The following ADAMTS18 variants were observed in gnomAD, a reference collection of about 807,000 sequenced individuals.
ADAMTS18 encodes the protein A disintegrin and metalloproteinase with thrombospondin motifs 18.
ADAMTS18 carries 157 observed loss-of-function variants against 165.9 expected under a neutral mutation model. The observed-to-expected ratio is 0.95, with a 90% CI of 0.83 to 1.08. ADAMTS18 has a LOEUF of 1.08. Ranked by LOEUF, ADAMTS18 falls within the 50% of genes least tolerant of loss-of-function variation. The probability of loss-of-function intolerance (pLI) is 0.00; values close to 1 mark genes in which losing one functional copy is unlikely to be tolerated. For missense variants in ADAMTS18, 2,040 were observed against 1,534.0 expected (o/e 1.33, Z -5.51); for synonymous variants, 782 against 578.2 (o/e 1.35, Z -5.06).
At chr16:77,372,870 T>A (rs915940527) in intron 3 of ADAMTS18, among the ~76,000 whole-genome samples, 3 of 151,982 alleles carry the variant, frequency 2.0e-5, no homozygotes, top group African/African-American at 7.3e-5. Context: ...ACAGCCAGAG[T>A]CCTTGTCCAG....
chr16:77,348,289 G>A (rs2056506690), intron 10 of ADAMTS18, among the ~76,000 whole-genome samples: 2 of 152,104 alleles, frequency 1.3e-5, no homozygotes, highest in African/African-American at 2.4e-5. Flanking sequence ...CCTTATTACT[G>A]ATAATCATGA....
chr16:77,292,882 C>T, intron 20 of ADAMTS18, 194 bp downstream of exon 20: 1 of 564,968 alleles, frequency 1.8e-6, no homozygotes, highest in African/African-American at 1.9e-5. Flanking sequence ...TGCAGTGGCG[C>T]AATCTCAGCT....
At chr16:77,350,231 C>T (rs2056536164) in intron 10 of ADAMTS18, among the ~76,000 whole-genome samples, 1 of 152,094 alleles carries the variant, frequency 6.6e-6, no homozygotes, top group South Asian at 2.1e-4. Context: ...TTTTCTTCAA[C>T]ACTTTGGATG....
At chr16:77,330,312 G>C (rs1365895988) in intron 12 of ADAMTS18, among the ~76,000 whole-genome samples, 17 of 152,120 alleles carry the variant, frequency 1.1e-4, no homozygotes, top group Non-Finnish European at 2.4e-4. Context: ...AATTTTCTTG[G>C]AGAGTTTATA....
intron 3 of ADAMTS18, among the ~76,000 whole-genome samples, chr16:77,393,362 G>T (rs148490159): frequency 0.016 from 2,496 of 152,236 alleles, 44 homozygotes; most frequent in Non-Finnish European, 0.021. Context: ...AGCCAGCAGG[G>T]GCTAGGCTGC....
In ADAMTS18 at chr16:77,295,093, C is replaced by T. The variant is rs12935394; in HGVS notation, c.2836G>A (p.Ala946Thr). The change falls in exon 19 of 23, where the codon GCC becomes ACC. Residue 946 changes from alanine to threonine, a missense_variant. Coordinates refer to ENST00000282849, the MANE Select transcript of ADAMTS18 (RefSeq NM_199355.4). ...MPGEWSTCSK[A>T]CAGGQQSRKI... is the part of the protein sequence containing the mutation. ...CGGCTCTGCTGGCCTCCAGCACAGG[C>T]CTTGCTGCATGTACTCCATTCACCT... is the stretch of plus-strand genomic sequence containing the variant. 6.2e-7 allele frequency: 1 copy of T among 1,614,092 alleles called. No homozygotes were observed. The highest frequency in any genetic ancestry group is 1.3e-5 in the African/African-American group (1 of 75,034).
chr16:77,427,107 T>C lies in ADAMTS18; in HGVS notation c.495+4188A>G, dbSNP rs2057683277. 2.6e-5 allele frequency among the ~76,000 whole-genome samples: 4 copies of C among 152,210 alleles called. No homozygotes were observed. The South Asian group carries it at 8.3e-4, about 31-fold the overall frequency. On this transcript the variant is annotated intron_variant, in intron 3 of 22. Coordinates refer to ENST00000282849, the MANE Select transcript of ADAMTS18 (RefSeq NM_199355.4). ...TCACTAAGTGGTTCTCAGATATTCG[T>C]ATGCATCAGAATCATCTGGAGAATT...
chr16:77,386,999 A>G (rs2144781957), intron 3 of ADAMTS18, among the ~76,000 whole-genome samples: 1 of 152,250 alleles, frequency 6.6e-6, no homozygotes, highest in Middle Eastern at 3.4e-3. Flanking sequence ...AGCATCCAAA[A>G]TGTCACTCCA....
intron 3 of ADAMTS18, among the ~76,000 whole-genome samples, chr16:77,397,826 GA>G (rs1438345275): frequency 6.6e-6 from 1 of 152,158 alleles, no homozygotes; most frequent in East Asian, 1.9e-4. Context: ...CCTTGATCCT[GA>G]AAAACTGAAG....
chr16:77,355,922 G>A lies in ADAMTS18; in HGVS notation c.1460+18C>T. On this transcript the variant is annotated intron_variant, in intron 9 of 22. Transcript: ENST00000282849. ...TCACTCCAAACCTAGGAGCACCCCAGGATTTAACCTGTCATACCTGAGGAA... is the reference window on the plus strand; with the variant it reads ...TCACTCCAAACCTAGGAGCACCCCAAGATTTAACCTGTCATACCTGAGGAA... 1.2e-6 allele frequency: 2 copies of A among 1,613,852 alleles called. No homozygotes were observed. Among genetic ancestry groups the A allele is most frequent in the African/African-American group, 1.3e-5 (1 of 75,006 alleles).
Position 77,434,439 on chromosome 16 carries a change from C to T in ADAMTS18, c.157G>A (p.Gly53Ser), listed in dbSNP as rs1428931357. The T allele has an allele frequency of 1.9e-6, 3 of 1,573,364 alleles. No individual in the cohort carries two copies. The highest frequency in any genetic ancestry group is 1.2e-5 in the South Asian group (1 of 86,952). The change falls in exon 2 of 23, where the codon GGC (glycine) becomes AGC (serine). Residue 53 changes from glycine (G) to serine (S), a missense_variant. Physicochemically the swap from Gly to Ser is moderately conservative, Grantham distance 56. Coordinates refer to ENST00000282849, the MANE Select transcript of ADAMTS18 (RefSeq NM_199355.4). ...GAACCATCATTTAATCCGCTGGCGCCGCTGCTGCTGTCACTGGCTAAGGCC... is the reference window on the plus strand; with the variant it reads ...GAACCATCATTTAATCCGCTGGCGCTGCTGCTGCTGTCACTGGCTAAGGCC... ...AAALASDSSS[G>S]ASGLNDDYVF...
intron 9 of ADAMTS18, among the ~76,000 whole-genome samples, chr16:77,354,356 G>A (rs960894787): frequency 2.0e-5 from 3 of 152,002 alleles, no homozygotes; most frequent in Admixed American, 2.0e-4. Flanking sequence ...GGTCAAAGAT[G>A]TACTTTAACT....
rs142639977 is a variant in ADAMTS18, at chr16:77,325,982, T to C, written c.1916A>G (p.Asn639Ser). ...GCTATTTTCATTGCAAGGGTTAATA[T>C]TGCACAGCTGATAAATACGGCTAGA... ...PGSSRIYQLCNINPCNENSLD... is the reference protein window; with the variant it reads ...PGSSRIYQLCSINPCNENSLD... The change falls in exon 13 of 23, where the codon AAT becomes AGT. Residue 639 changes from asparagine to serine, a missense_variant. Physicochemically the swap from Asn to Ser is conservative, Grantham distance 46 (BLOSUM62 1). Coordinates refer to ENST00000282849, the MANE Select transcript of ADAMTS18 (RefSeq NM_199355.4). 5.0e-4 allele frequency: 814 copies of C among 1,614,090 alleles called. 1 individual carries two copies. The highest frequency in any genetic ancestry group is 6.5e-4 in the South Asian group (59 of 91,088).
Position 77,434,770 on chromosome 16 carries a change from C to A in ADAMTS18, c.-75G>T, listed in dbSNP as rs969719152. On this transcript the variant is annotated 5_prime_UTR_variant, in exon 1 of 23. Transcript: ENST00000282849. ...GCGCACGGGCGGCGCGCATTCTTTC[C>A]GCGGCCCCGGAGCTCGGCGCCCCAG... 3.2e-6 allele frequency: 4 copies of A among 1,259,278 alleles called. No homozygotes were observed. The highest frequency in any genetic ancestry group is 5.8e-4 in the Middle Eastern group (2 of 3,434). 78.0% of individuals were successfully genotyped at this position (1,259,278 alleles called of 1,614,324 possible).
chr16:77,423,408 C>A lies in ADAMTS18; in HGVS notation c.495+7887G>T, dbSNP rs1451054569. Among the ~76,000 whole-genome samples, 4 of 152,222 alleles carry A rather than the reference C, an allele frequency of 2.6e-5. No homozygotes were observed. The South Asian group carries it at 8.3e-4, about 32-fold the overall frequency. Reference sequence around the variant, plus strand: ...AATTAGTACTATATCATTATCACAACTGATATTATTACTATGTGCCAGGTA... The same window carrying A: ...AATTAGTACTATATCATTATCACAAATGATATTATTACTATGTGCCAGGTA... On this transcript the variant is annotated intron_variant, in intron 3 of 22. Transcript: ENST00000282849.
At chr16:77,307,532 G>T (rs1160133644) in intron 16 of ADAMTS18, among the ~76,000 whole-genome samples, 2 of 152,192 alleles carry the variant, frequency 1.3e-5, no homozygotes, top group Admixed American at 6.5e-5. Flanking sequence ...GTGTAGTGGG[G>T]AGAAATAGTG....
Position 77,283,837 on chromosome 16 carries a change from T to C in ADAMTS18, c.*119A>G. 2.5e-6 allele frequency: 2 copies of C among 786,816 alleles called. No homozygotes were observed. Among genetic ancestry groups the C allele is most frequent in the Non-Finnish European group, 4.4e-6 (2 of 454,590 alleles). The allele number at this position is 786,816 out of a possible 1,614,324, so 48.7% of individuals were successfully genotyped here. ...CTGTTCCTCAGAGCAGGCTCCTTCA[T>C]CACAGCGGCAGCTCACAGATGGTTC... On this transcript the variant is annotated 3_prime_UTR_variant, in exon 23 of 23. Transcript: ENST00000282849.
chr16:77,291,331 G>A lies in ADAMTS18; in HGVS notation c.3337C>T (p.Arg1113Trp), dbSNP rs148910905. 5.3e-5 allele frequency: 85 copies of A among 1,614,204 alleles called. No individual in the cohort carries two copies. Among genetic ancestry groups the A allele is most frequent in the Middle Eastern group, 5.0e-4 (3 of 6,058 alleles). ...NLDLEETCNR[R>W]ACPAHPVYNM... is the part of the protein sequence containing the mutation. ...TACACTGGATGGGCTGGGCAAGCCC[G>A]TCGGTTGCAGGTCTCTTCCAAGTCC... The change falls in exon 21 of 23, where the codon CGG becomes TGG. Residue 1113 changes from arginine to tryptophan, a missense_variant. By Grantham distance (101) the Arg-to-Trp change is moderately radical. Coordinates refer to ENST00000282849, the MANE Select transcript of ADAMTS18 (RefSeq NM_199355.4).
chr16:77,298,114 G>A (rs868485185), intron 17 of ADAMTS18, among the ~76,000 whole-genome samples: 6 of 151,468 alleles, frequency 4.0e-5, no homozygotes, highest in Admixed American at 2.0e-4. Context: ...TAGTAGAGAC[G>A]GCCATGTTAG....
Sources: gnomAD v4.1 joint callset for allele counts (sites outside exome capture counted in the v4.1 genomes callset) on GRCh38, gnomAD v4.1.1 for gene constraint, MANE v1.5 for transcripts, NCBI Gene and HGNC (gene_info 2026-07-23, HGNC 2026-07-21) for gene names.